The following PTPRD variants were observed in gnomAD, a reference collection of about 807,000 sequenced individuals.
PTPRD encodes receptor-type tyrosine-protein phosphatase delta.
Under a neutral mutation model 214.5 loss-of-function variants are expected in PTPRD, and 34 were observed. The observed-to-expected ratio is 0.16, with a 90% confidence interval of 0.12 to 0.21. PTPRD has a LOEUF of 0.21. Among genes scored for constraint, PTPRD ranks in the 10% least tolerant of loss-of-function variants. The pLI is 1.00. For missense variants in PTPRD, 2,545 were observed against 2,398.7 expected (o/e 1.06, Z -1.27); for synonymous variants, 1,128 against 845.7 (o/e 1.33, Z -5.79).
chr9:8,389,490 T>C (rs1016399240), intron 36 of PTPRD, 83 bp from the exon 37 acceptor site: 4 of 1,033,206 alleles, frequency 3.9e-6, no homozygotes, highest in Admixed American at 5.0e-5. Flanking sequence ...GGCAGTGCTA[T>C]CTTACTGTTC....
intron 39 of PTPRD, among the ~76,000 whole-genome samples, chr9:8,363,814 G>A (rs1039417067): frequency 1.3e-5 from 2 of 152,052 alleles, no homozygotes; most frequent in East Asian, 3.9e-4. Flanking sequence ...AGAAATTTTT[G>A]CTAGCTGAAT....
At chr9:9,857,023 C>G (rs1456293790) in intron 5 of PTPRD, among the ~76,000 whole-genome samples, 3 of 152,066 alleles carry the variant, frequency 2.0e-5, no homozygotes, top group Non-Finnish European at 4.4e-5. Flanking sequence ...AGCTGTGAGC[C>G]TTGGAAGTAG....
At chr9:10,444,071 C>T (rs1459721554) in intron 2 of PTPRD, among the ~76,000 whole-genome samples, 1 of 151,586 alleles carries the variant, frequency 6.6e-6, no homozygotes, top group Non-Finnish European at 1.5e-5. Flanking sequence ...CAATAATTAT[C>T]CAGTGACTAT....
At chr9:8,682,311 G>T (rs971823353) in intron 12 of PTPRD, among the ~76,000 whole-genome samples, 17 of 152,164 alleles carry the variant, frequency 1.1e-4, no homozygotes. Flanking sequence ...TTCTTAGCAT[G>T]ACAAACAAAA....
At position 9,603,607 on chromosome 9, in the gene PTPRD, T is replaced by C. The variant is rs1592757800; in HGVS notation, c.-286-28826A>G. On this transcript the variant is annotated intron_variant, in intron 7 of 45. Transcript: ENST00000381196. ...GTGACATTAAAGTCTGTATAGGAGC[T>C]CAAACCCTATTGTGAACAGTGCATG... is the stretch of plus-strand genomic sequence containing the variant. 2.6e-5 allele frequency among the ~76,000 whole-genome samples: 4 copies of C among 152,164 alleles called. No homozygotes were observed. In the South Asian group the frequency reaches 8.3e-4, roughly 32 times the overall value.
intron 3 of PTPRD, among the ~76,000 whole-genome samples, chr9:10,280,042 T>A (rs945261421): frequency 1.8e-4 from 28 of 152,212 alleles, no homozygotes; most frequent in Admixed American, 4.6e-4. Flanking sequence ...CTACATTCTG[T>A]ACTTAATATA....
At chr9:8,555,750 G>A (rs902508955) in intron 14 of PTPRD, among the ~76,000 whole-genome samples, 44 of 152,176 alleles carry the variant, frequency 2.9e-4, no homozygotes, top group African/African-American at 1.0e-3. Context: ...CAGGAAGGAT[G>A]CTTTGTCTAC....
At chr9:9,257,899 T>C (rs914592164) in intron 9 of PTPRD, among the ~76,000 whole-genome samples, 11 of 152,080 alleles carry the variant, frequency 7.2e-5, no homozygotes, top group African/African-American at 2.6e-4. Context: ...TTAAAAAATA[T>C]AGTGACTCCT....
intron 5 of PTPRD, among the ~76,000 whole-genome samples, chr9:9,825,011 G>A (rs1041621273): frequency 6.6e-6 from 1 of 151,982 alleles, no homozygotes; most frequent in Admixed American, 6.6e-5. Context: ...ATCCATCTGA[G>A]TGTCAGTTTC....
chr9:8,597,625 T>G (rs1403398808), intron 14 of PTPRD, among the ~76,000 whole-genome samples: 1 of 152,218 alleles, frequency 6.6e-6, no homozygotes, highest in African/African-American at 2.4e-5. Flanking sequence ...TTCAGATTTC[T>G]GAACACTTTT....
intron 39 of PTPRD, among the ~76,000 whole-genome samples, chr9:8,370,235 C>CACACAT (rs1554808489): frequency 5.7e-4 from 33 of 57,654 alleles, no homozygotes; most frequent in East Asian, 3.8e-3. Flanking sequence ...CACACACACA[C>CACACAT]ACATATATAT....
intron 5 of PTPRD, among the ~76,000 whole-genome samples, chr9:9,819,032 T>C (rs2049783957): frequency 6.6e-6 from 1 of 152,126 alleles, no homozygotes. Context: ...CCAACATGTT[T>C]TACTTGATCC....
chr9:9,969,706 C>T (rs1006992799), intron 4 of PTPRD, among the ~76,000 whole-genome samples: 2 of 152,222 alleles, frequency 1.3e-5, no homozygotes, highest in Non-Finnish European at 2.9e-5. Flanking sequence ...CTCTGATCAA[C>T]CTTGAATAGA....
chr9:8,832,556 G>A (rs1440730394), intron 11 of PTPRD, among the ~76,000 whole-genome samples: 3 of 151,800 alleles, frequency 2.0e-5, no homozygotes, highest in Non-Finnish European at 2.9e-5. Context: ...CCAACTGAAC[G>A]AGGTCACAAT....
intron 10 of PTPRD, among the ~76,000 whole-genome samples, chr9:9,021,938 A>T (rs1486679806): frequency 6.6e-6 from 1 of 151,698 alleles, no homozygotes; most frequent in Non-Finnish European, 1.5e-5. Flanking sequence ...ACACGTGGAC[A>T]CAGGGAGGGG....
intron 3 of PTPRD, among the ~76,000 whole-genome samples, chr9:10,310,574 GA>G (rs113423947): frequency 0.048 from 7,189 of 150,848 alleles, 576 homozygotes; most frequent in African/African-American, 0.16. Flanking sequence ...CTGAGAGTTA[GA>G]AAAAAAAATG....
intron 2 of PTPRD, among the ~76,000 whole-genome samples, chr9:10,582,210 T>G (rs1413129182): frequency 6.6e-6 from 1 of 152,166 alleles, no homozygotes; most frequent in African/African-American, 2.4e-5. Context: ...TGAAACTGTT[T>G]ATCAACAAGA....
In PTPRD at chr9:8,680,981, C is replaced by A. The variant is rs142546917; in HGVS notation, c.65-44137G>T. 2.6e-3 allele frequency among the ~76,000 whole-genome samples: 398 copies of A among 152,288 alleles called. 1 individual carries two copies. The highest frequency in any genetic ancestry group is 9.3e-3 in the African/African-American group (387 of 41,560). Reference sequence around the variant, plus strand: ...AGGAAAGGGAAGAGGAGAAAGAACACATTTTCCTATATTTCCTAGGTTCAA... The same window carrying A: ...AGGAAAGGGAAGAGGAGAAAGAACAAATTTTCCTATATTTCCTAGGTTCAA... On this transcript the variant is annotated intron_variant, in intron 12 of 45. Transcript: ENST00000381196.
chr9:8,978,307 T>C (rs1222612481), intron 11 of PTPRD, among the ~76,000 whole-genome samples: 1 of 152,092 alleles, frequency 6.6e-6, no homozygotes, highest in Non-Finnish European at 1.5e-5. Context: ...GGCATTATGG[T>C]TGTTACTGTG....
Sources: allele counts gnomAD v4.1 joint callset (sites outside exome capture counted in the v4.1 genomes callset), GRCh38; gene constraint gnomAD v4.1.1; transcripts MANE v1.5; gene names NCBI Gene and HGNC (gene_info 2026-07-23, HGNC 2026-07-21).